The following PDS5A variants were observed in gnomAD, a reference collection of about 807,000 sequenced individuals.
PDS5A encodes sister chromatid cohesion protein PDS5 homolog A.
A neutral mutation model predicts 167.1 loss-of-function variants in PDS5A; 42 were observed. The observed-to-expected ratio is 0.25, with a 90% CI of 0.20 to 0.33. The LOEUF is 0.33. Ranked by LOEUF, PDS5A falls within the 10% of genes least tolerant of loss-of-function variation. The pLI, the probability that PDS5A is intolerant of heterozygous loss-of-function variation, is 1.00. For missense variants in PDS5A, 1,033 were observed against 1,605.9 expected (o/e 0.64, Z 6.10); for synonymous variants, 553 against 554.6 (o/e 1.00, Z 0.04).
intron 17 of PDS5A, among the ~76,000 whole-genome samples, chr4:39,884,528 T>G (rs988244622): frequency 5.3e-5 from 8 of 152,224 alleles, no homozygotes; most frequent in Non-Finnish European, 1.2e-4. Context: ...GCTTTGTCCT[T>G]GCTACCGCAC....
intron 18 of PDS5A, 24 bp downstream of exon 18, chr4:39,879,704 G>T (rs1720777309): frequency 7.1e-7 from 1 of 1,405,418 alleles, no homozygotes; most frequent in Non-Finnish European, 1.0e-6. Context: ...GAAATACATG[G>T]CAACAAAACT....
chr4:39,828,259 C>A (rs935835576), intron 32 of PDS5A, among the ~76,000 whole-genome samples: 2 of 152,230 alleles, frequency 1.3e-5, no homozygotes, highest in African/African-American at 4.8e-5. Context: ...AAAATCCGAT[C>A]TAAAAATTCT....
chr4:39,906,630 G>A (rs1022724605), intron 11 of PDS5A, among the ~76,000 whole-genome samples: 2 of 151,216 alleles, frequency 1.3e-5, no homozygotes, highest in African/African-American at 4.9e-5. Context: ...AGCAGCAGCA[G>A]CAGCAGCTGA....
intron 11 of PDS5A, among the ~76,000 whole-genome samples, chr4:39,906,681 A>T (rs1413964056): frequency 6.6e-6 from 1 of 151,896 alleles, no homozygotes; most frequent in African/African-American, 2.4e-5. Context: ...ATTCAGGAGA[A>T]TGAAGCAAGA....
intron 13 of PDS5A, among the ~76,000 whole-genome samples, chr4:39,901,054 G>A (rs1722834286): frequency 6.6e-6 from 1 of 152,066 alleles, no homozygotes; most frequent in South Asian, 2.1e-4. Context: ...CTCTCTCCAG[G>A]AACACAGATT....
chr4:39,907,853 T>C (rs1392927926), intron 11 of PDS5A, among the ~76,000 whole-genome samples: 1 of 152,210 alleles, frequency 6.6e-6, no homozygotes, highest in Non-Finnish European at 1.5e-5. Flanking sequence ...CCCAAAGTGC[T>C]GGGATTACAG....
intron 13 of PDS5A, among the ~76,000 whole-genome samples, chr4:39,901,840 TA>T (rs138025259): frequency 0.016 from 2,430 of 150,666 alleles, 23 homozygotes; most frequent in Non-Finnish European, 0.026. Flanking sequence ...ACATTTACTT[TA>T]AAAAAAAAAT....
At position 39,842,733 on chromosome 4, in the gene PDS5A, A is replaced by G. The variant is rs192436093; in HGVS notation, c.3549-677T>C. 1.2e-4 allele frequency among the ~76,000 whole-genome samples: 18 copies of G among 151,814 alleles called. No homozygotes were observed. In the East Asian group the frequency reaches 3.5e-3, roughly 29 times the overall value. Reference sequence around the variant, plus strand: ...TGCTATGCATATACCAAAATATCACAAACACCCCATAAATATGTACAATTA... The same window carrying G: ...TGCTATGCATATACCAAAATATCACGAACACCCCATAAATATGTACAATTA... On this transcript the variant is annotated intron_variant, in intron 30 of 32. Coordinates refer to ENST00000303538, the MANE Select transcript of PDS5A (RefSeq NM_001100399.2).
intron 9 of PDS5A, among the ~76,000 whole-genome samples, chr4:39,910,831 C>T (rs893748509): frequency 6.6e-6 from 1 of 152,074 alleles, no homozygotes; most frequent in Non-Finnish European, 1.5e-5. Context: ...CCTGTCTCTA[C>T]AAAATATACA....
At chr4:39,862,083 T>G in intron 26 of PDS5A, 136 bp downstream of exon 26, 1 of 386,482 alleles carries the variant, frequency 2.6e-6, no homozygotes, top group Non-Finnish European at 4.7e-6. Context: ...AACTGGAAAT[T>G]TATAATAAAT....
intron 9 of PDS5A, among the ~76,000 whole-genome samples, chr4:39,911,837 A>T (rs78084453): frequency 8.9e-5 from 3 of 33,680 alleles, no homozygotes; most frequent in Admixed American, 3.7e-4. Context: ...GTCTCAATTA[A>T]AAAAAAAAAA....
intron 26 of PDS5A, among the ~76,000 whole-genome samples, chr4:39,855,551 A>C (rs1055879594): frequency 1.3e-5 from 2 of 152,256 alleles, no homozygotes; most frequent in African/African-American, 4.8e-5. Flanking sequence ...AAGACATTAA[A>C]TCAACTGTCT....
At chr4:39,975,368 T>C (rs144513005) in intron 2 of PDS5A, among the ~76,000 whole-genome samples, 18 of 152,326 alleles carry the variant, frequency 1.2e-4, no homozygotes, top group Non-Finnish European at 2.4e-4. Context: ...CTCATTAAAA[T>C]GCAACATTAG....
intron 18 of PDS5A, among the ~76,000 whole-genome samples, chr4:39,878,745 ATTTT>A (rs550609820): frequency 6.6e-6 from 1 of 151,496 alleles, no homozygotes; most frequent in Non-Finnish European, 1.5e-5. Context: ...TAATGAAATG[ATTTT>A]TTTTTCTTTT....
At chr4:39,943,229 GACA>G (rs1727405312) in intron 2 of PDS5A, among the ~76,000 whole-genome samples, 1 of 150,466 alleles carries the variant, frequency 6.6e-6, no homozygotes, top group Non-Finnish European at 1.5e-5. Flanking sequence ...AAGCAACAAA[GACA>G]ACAAAGCATC....
At chr4:39,937,524 C>T (rs571457196) in intron 2 of PDS5A, among the ~76,000 whole-genome samples, 8 of 152,224 alleles carry the variant, frequency 5.3e-5, no homozygotes, top group African/African-American at 1.9e-4. Flanking sequence ...AGTGATCCTC[C>T]TGCCTCGGTC....
chr4:39,845,804 T>TA lies in PDS5A; in HGVS notation c.3402+13dup. Reference sequence around the variant, plus strand: ...CATGAAACAAAGATCTCAAAATTATTAAGTAAATAATACCTTTCCTGTTAA... The same window carrying TA: ...CATGAAACAAAGATCTCAAAATTATTAAAGTAAATAATACCTTTCCTGTTAA... On this transcript the variant is annotated intron_variant, in intron 29 of 32. Transcript: ENST00000303538. The TA allele has an allele frequency of 7.2e-7, 1 of 1,392,732 alleles. No individual in the cohort carries two copies. The highest frequency in any genetic ancestry group is 9.4e-7 in the Non-Finnish European group (1 of 1,067,876). The allele number at this position is 1,392,732 out of a possible 1,614,324, so 86.3% of individuals were successfully genotyped here.
At chr4:39,867,549 TAAA>T (rs11357236) in intron 22 of PDS5A, among the ~76,000 whole-genome samples, 12 of 111,732 alleles carry the variant, frequency 1.1e-4, no homozygotes, top group African/African-American at 7.0e-5. Context: ...CCGTCTCTAC[TAAA>T]AAAAAAAAAA....
At position 39,900,422 on chromosome 4, in the gene PDS5A, C is replaced by G. The variant is rs752383582; in HGVS notation, c.1581+4G>C. On this transcript the variant is annotated splice_donor_region_variant and intron_variant, in intron 14 of 32. Coordinates refer to ENST00000303538, the MANE Select transcript of PDS5A (RefSeq NM_001100399.2). ...CTATGAATTTAAACAAATCATGAAC[C>G]TACTGTAGGCTGCTTGTGCAAATCC... 6.5e-7 allele frequency: 1 copy of G among 1,549,812 alleles called. No individual in the cohort carries two copies. Among genetic ancestry groups the G allele is most frequent in the Non-Finnish European group, 8.8e-7 (1 of 1,137,148 alleles).
Sources: gnomAD v4.1 joint callset for allele counts (sites outside exome capture counted in the v4.1 genomes callset) on GRCh38, gnomAD v4.1.1 for gene constraint, MANE v1.5 for transcripts, NCBI Gene and HGNC (gene_info 2026-07-23, HGNC 2026-07-21) for gene names.